Variants in SEMA5A observed in about 807,000 individuals in gnomAD.
SEMA5A encodes the protein semaphorin-5A.
Under a neutral mutation model 135.5 loss-of-function variants are expected in SEMA5A, and 55 were observed. That is an observed-to-expected ratio of 0.41 (90% CI 0.33 to 0.51). The LOEUF is 0.51. Ranked by LOEUF, SEMA5A falls within the 20% of genes least tolerant of loss-of-function variation. SEMA5A has a pLI of 0.37. For synonymous variants in SEMA5A, 580 were observed against 546.5 expected (o/e 1.06, Z -0.85); for missense variants, 1,290 against 1,419.9 (o/e 0.91, Z 1.47).
At chr5:9,283,873 C>T (rs1475499748) in intron 5 of SEMA5A, among the ~76,000 whole-genome samples, 1 of 152,116 alleles carries the variant, frequency 6.6e-6, no homozygotes, top group East Asian at 1.9e-4. Context: ...AGTGACTGTT[C>T]CCAAACTTCA....
At chr5:9,473,636 G>A (rs1385594510) in intron 1 of SEMA5A, among the ~76,000 whole-genome samples, 1 of 152,058 alleles carries the variant, frequency 6.6e-6, no homozygotes, top group Admixed American at 6.6e-5. Context: ...CTGAAGAGGA[G>A]GGGCTGGGGA....
chr5:9,076,868 T>TTGTGTGTGTGTGTGTGTGTG (rs70943938), intron 16 of SEMA5A, among the ~76,000 whole-genome samples: 1 of 144,006 alleles, frequency 6.9e-6, no homozygotes, highest in African/African-American at 2.5e-5. Context: ...ATTACGATCT[T>TTGTGTGTGTGTGTGTGTGTG]TGTGTGTGTG....
chr5:9,224,110 G>A (rs1388593993), intron 8 of SEMA5A, among the ~76,000 whole-genome samples: 1 of 152,182 alleles, frequency 6.6e-6, no homozygotes, highest in Non-Finnish European at 1.5e-5. Flanking sequence ...GACTGTGGAT[G>A]GCAGAGACTG....
At chr5:9,244,414 G>A (rs28181) in intron 5 of SEMA5A, among the ~76,000 whole-genome samples, 26,941 of 152,112 alleles carry the variant, frequency 0.18, 2,476 homozygotes, top group Middle Eastern at 0.29. Flanking sequence ...CCTATGGCCT[G>A]TGGACTTACT....
At chr5:9,250,446 C>T (rs920063375) in intron 5 of SEMA5A, among the ~76,000 whole-genome samples, 4 of 152,142 alleles carry the variant, frequency 2.6e-5, no homozygotes, top group African/African-American at 9.7e-5. Flanking sequence ...CCTATACGAT[C>T]CTGTTTAAAG....
chr5:9,287,575 T>C (rs1421493516), intron 5 of SEMA5A, among the ~76,000 whole-genome samples: 1 of 152,244 alleles, frequency 6.6e-6, no homozygotes, highest in Non-Finnish European at 1.5e-5. Context: ...AAATAAATTA[T>C]ATCAATTTTC....
At chr5:9,508,288 A>C (rs1269069203) in intron 1 of SEMA5A, among the ~76,000 whole-genome samples, 1 of 152,034 alleles carries the variant, frequency 6.6e-6, no homozygotes, top group Non-Finnish European at 1.5e-5. Context: ...TGAAGCCCCC[A>C]CCACCACCGC....
intron 2 of SEMA5A, among the ~76,000 whole-genome samples, chr5:9,433,169 G>A (rs558014451): frequency 1.3e-5 from 2 of 152,120 alleles, no homozygotes; most frequent in East Asian, 3.9e-4. Context: ...ACAAAGAAAG[G>A]CAGAATAAAA....
chr5:9,534,906 T>C (rs1737671206), intron 1 of SEMA5A, among the ~76,000 whole-genome samples: 1 of 152,218 alleles, frequency 6.6e-6, no homozygotes, highest in Non-Finnish European at 1.5e-5. Context: ...AGGATTTCAA[T>C]GGACAGGGCA....
At chr5:9,232,638 C>T (rs931685285) in intron 6 of SEMA5A, among the ~76,000 whole-genome samples, 5 of 152,052 alleles carry the variant, frequency 3.3e-5, no homozygotes, top group Admixed American at 2.0e-4. Flanking sequence ...ATGTAATGTA[C>T]AGTGTATTGA....
chr5:9,159,379 C>A (rs756012243), intron 11 of SEMA5A, among the ~76,000 whole-genome samples: 1 of 152,106 alleles, frequency 6.6e-6, no homozygotes, highest in Non-Finnish European at 1.5e-5. Context: ...TTTCTATCCG[C>A]TCTTCTAGAA....
At chr5:9,054,544 C>T (rs1255556221) in intron 18 of SEMA5A, among the ~76,000 whole-genome samples, 2 of 152,148 alleles carry the variant, frequency 1.3e-5, no homozygotes, top group African/African-American at 4.8e-5. Flanking sequence ...CTAAATCAAT[C>T]GTATCTAAGT....
At chr5:9,313,475 G>A (rs1752235864) in intron 5 of SEMA5A, among the ~76,000 whole-genome samples, 1 of 152,136 alleles carries the variant, frequency 6.6e-6, no homozygotes, top group Admixed American at 6.6e-5. Flanking sequence ...GTTTAAAAAG[G>A]TTAGGGAAGA....
At chr5:9,510,071 G>C (rs1053804562) in intron 1 of SEMA5A, among the ~76,000 whole-genome samples, 6 of 152,134 alleles carry the variant, frequency 3.9e-5, no homozygotes, top group South Asian at 2.1e-4. Context: ...CCACGACGGT[G>C]GAAAAATTAA....
chr5:9,325,458 C>T (rs76375355), intron 4 of SEMA5A, among the ~76,000 whole-genome samples: 2,018 of 152,250 alleles, frequency 0.013, 49 homozygotes, highest in African/African-American at 0.046. Flanking sequence ...GCGTTTTCTA[C>T]GTCTTCACCA....
intron 1 of SEMA5A, among the ~76,000 whole-genome samples, chr5:9,474,218 G>C (rs182661822): frequency 6.6e-6 from 1 of 152,148 alleles, no homozygotes; most frequent in African/African-American, 2.4e-5. Context: ...AGGATCTTAC[G>C]TGGAGTCCGA....
chr5:9,358,716 A>G (rs1022121994), intron 3 of SEMA5A, among the ~76,000 whole-genome samples: 19 of 152,244 alleles, frequency 1.2e-4, no homozygotes, highest in African/African-American at 4.3e-4. Context: ...GAATGAATGA[A>G]CATAAGTCAT....
chr5:9,088,445 GA>G (rs1291120352), intron 16 of SEMA5A, among the ~76,000 whole-genome samples: 2 of 150,404 alleles, frequency 1.3e-5, no homozygotes, highest in Non-Finnish European at 3.0e-5. Flanking sequence ...TACTGTGACA[GA>G]AAAAAAAGTT....
At chr5:9,114,397 A>C (rs964458338) in intron 15 of SEMA5A, among the ~76,000 whole-genome samples, 5 of 152,234 alleles carry the variant, frequency 3.3e-5, no homozygotes, top group African/African-American at 9.6e-5. Flanking sequence ...TTATACAATA[A>C]TGTGAATGTC....
Sources: gnomAD v4.1 joint callset for allele counts (sites outside exome capture counted in the v4.1 genomes callset) on GRCh38, gnomAD v4.1.1 for gene constraint, MANE v1.5 for transcripts, NCBI Gene and HGNC (gene_info 2026-07-23, HGNC 2026-07-21) for gene names.